BANK1: variants seen among roughly 807,000 people sequenced by gnomAD.
The protein encoded by BANK1 is B-cell scaffold protein with ankyrin repeats.
In BANK1, 95 loss-of-function variants were observed where a neutral mutation model predicts 94.5. That is an observed-to-expected ratio of 1.00 (90% CI 0.85 to 1.19). BANK1 has a LOEUF of 1.19. Ranked by LOEUF, BANK1 falls within the 50% of genes most tolerant of loss-of-function variation. The probability of loss-of-function intolerance (pLI) is 0.00; values close to 1 mark genes in which losing one functional copy is unlikely to be tolerated. For missense variants in BANK1, 987 were observed against 932.2 expected (o/e 1.06, Z -0.77); for synonymous variants, 334 against 308.4 (o/e 1.08, Z -0.87).
At position 101,886,404 on chromosome 4, in the gene BANK1, A is replaced by G. The variant is rs137933209; in HGVS notation, c.904-8901A>G. On this transcript the variant is annotated intron_variant, in intron 5 of 16. Coordinates refer to ENST00000322953, the MANE Select transcript of BANK1 (RefSeq NM_017935.5). ...ATATAAACAAGATGGATTCTGTCAC[A>G]TAACTTGGAACCTGGCTCCCAAAAC... Among the ~76,000 whole-genome samples, 196 of 152,336 alleles carry G rather than the reference A, an allele frequency of 1.3e-3. 1 individual carries two copies. The Middle Eastern group carries it at 0.014, about 11-fold the overall frequency.
chr4:101,935,087 A>G (rs1416752379), intron 7 of BANK1, among the ~76,000 whole-genome samples: 2 of 151,360 alleles, frequency 1.3e-5, no homozygotes, highest in South Asian at 2.1e-4. Context: ...GGTACCCTTT[A>G]TTGTCTGCCT....
intron 11 of BANK1, among the ~76,000 whole-genome samples, chr4:102,044,146 G>C (rs975687515): frequency 6.6e-6 from 1 of 151,980 alleles, no homozygotes; most frequent in African/African-American, 2.4e-5. Flanking sequence ...TTGTCATCTA[G>C]CATTAGGTAT....
Position 102,060,256 on chromosome 4 carries a change from G to C in BANK1, c.2015G>C (p.Cys672Ser). 1 of 1,607,094 alleles carries C rather than the reference G, an allele frequency of 6.2e-7. No homozygotes were observed. The highest frequency in any genetic ancestry group is 8.5e-7 in the Non-Finnish European group (1 of 1,177,892). The change falls in exon 12 of 17, where the codon TGT becomes TCT. Residue 672 changes from cysteine to serine, a missense_variant. Physicochemically the swap from Cys to Ser is moderately radical, Grantham distance 112. Coordinates refer to ENST00000322953, the MANE Select transcript of BANK1 (RefSeq NM_017935.5). ...CCAGCCTTTTCTACTCTCAGGGGCT[G>C]TCTAACTGATGGTCAGGAAGAACTC... ...ESPAFSTLRG[C>S]LTDGQEELIL...
intron 7 of BANK1, among the ~76,000 whole-genome samples, chr4:101,928,093 T>C (rs1723223141): frequency 6.6e-6 from 1 of 151,700 alleles, no homozygotes; most frequent in African/African-American, 2.4e-5. Flanking sequence ...CCTTAAAAAT[T>C]AGTTATCATA....
chr4:101,943,029 A>G (rs1256460677), intron 7 of BANK1, among the ~76,000 whole-genome samples: 1 of 151,928 alleles, frequency 6.6e-6, no homozygotes, highest in African/African-American at 2.4e-5. Context: ...CAATGAGCCA[A>G]TGGTAGTTAG....
At chr4:101,979,174 C>G (rs574090632) in intron 7 of BANK1, among the ~76,000 whole-genome samples, 2 of 151,804 alleles carry the variant, frequency 1.3e-5, no homozygotes, top group Non-Finnish European at 2.9e-5. Context: ...CAAGATAATA[C>G]CTGATGTAAT....
chr4:102,018,149 A>G (rs535484563), intron 7 of BANK1, among the ~76,000 whole-genome samples: 3 of 152,308 alleles, frequency 2.0e-5, no homozygotes, highest in African/African-American at 7.2e-5. Flanking sequence ...TGGTTTTAGT[A>G]TAACATTGAT....
At chr4:102,014,395 C>A (rs1726620638) in intron 7 of BANK1, among the ~76,000 whole-genome samples, 1 of 152,128 alleles carries the variant, frequency 6.6e-6, no homozygotes, top group Non-Finnish European at 1.5e-5. Context: ...CCTCCACCAA[C>A]TCATGTACTG....
chr4:102,055,153 CAATAGTT>C (rs918890940), intron 11 of BANK1, among the ~76,000 whole-genome samples: 3 of 151,930 alleles, frequency 2.0e-5, no homozygotes, highest in Admixed American at 1.3e-4. Flanking sequence ...ATTTTTAACT[CAATAGTT>C]AACCAGGATA....
chr4:101,909,664 G>A (rs1322977230), intron 6 of BANK1, among the ~76,000 whole-genome samples: 1 of 152,162 alleles, frequency 6.6e-6, no homozygotes, highest in Non-Finnish European at 1.5e-5. Context: ...TTATGAACAT[G>A]TTACAATGCT....
intron 7 of BANK1, among the ~76,000 whole-genome samples, chr4:101,966,150 A>G (rs1479477426): frequency 6.6e-6 from 1 of 152,078 alleles, no homozygotes; most frequent in East Asian, 1.9e-4. Context: ...CAAGGAGGCT[A>G]TTCAAACACA....
At chr4:102,030,309 C>T in intron 10 of BANK1, 44 bp downstream of exon 10, 1 of 1,511,378 alleles carries the variant, frequency 6.6e-7, no homozygotes, top group Non-Finnish European at 8.8e-7. Context: ...TTTTTTTGTC[C>T]AAAATTTTGA....
intron 10 of BANK1, among the ~76,000 whole-genome samples, chr4:102,034,041 TTC>T (rs1727415277): frequency 6.6e-6 from 1 of 152,106 alleles, no homozygotes; most frequent in Non-Finnish European, 1.5e-5. Flanking sequence ...CCTTTTTTTT[TTC>T]CCCTAGCTTG....
At chr4:101,829,549 T>C (rs1056327488) in intron 1 of BANK1, among the ~76,000 whole-genome samples, 4 of 152,006 alleles carry the variant, frequency 2.6e-5, no homozygotes, top group African/African-American at 9.7e-5. Context: ...ATTATCTGGG[T>C]AATGGTATTG....
rs145411445 is a variant in BANK1, at chr4:102,043,870, T to G, written c.1932T>G (p.Ser644=). The part of the protein sequence containing the change: ...VFQQKTARRQ[S]DDDKFCGLPK... Reference sequence around the variant, plus strand: ...AACAAAAGACAGCCAGAAGACAATCTGATGATGACAAGTTCTGTGGTCTTC... The same window carrying G: ...AACAAAAGACAGCCAGAAGACAATCGGATGATGACAAGTTCTGTGGTCTTC... The change falls in exon 11 of 17, where the codon TCT becomes TCG. Residue 644 remains serine (S), a synonymous_variant. Coordinates refer to ENST00000322953, the MANE Select transcript of BANK1 (RefSeq NM_017935.5). The G allele has an allele frequency of 2.4e-5, 38 of 1,603,960 alleles. No homozygotes were observed. The highest frequency in any genetic ancestry group is 1.7e-5 in the Non-Finnish European group (20 of 1,172,184).
At chr4:101,895,488 C>A in intron 6 of BANK1, 78 bp downstream of exon 6, 3 of 848,698 alleles carry the variant, frequency 3.5e-6, no homozygotes, top group Non-Finnish European at 5.7e-6. Context: ...ATGTTATAAC[C>A]AAAAATATAG....
intron 7 of BANK1, among the ~76,000 whole-genome samples, chr4:101,987,687 A>T (rs190339548): frequency 3.3e-5 from 5 of 152,242 alleles, no homozygotes; most frequent in African/African-American, 4.8e-5. Flanking sequence ...GACAAATATT[A>T]AAAAAAGAGC....
chr4:101,829,996 A>C lies in BANK1; in HGVS notation c.259A>C (p.Asn87His), dbSNP rs555860024. 6.2e-7 allele frequency: 1 copy of C among 1,613,294 alleles called. No homozygotes were observed. The highest frequency in any genetic ancestry group is 1.3e-5 in the African/African-American group (1 of 75,010). Residue 87 changes from asparagine to histidine, a missense_variant, in exon 2 of 17, where the codon AAT becomes CAT. Physicochemically the swap from Asn to His is moderately conservative, Grantham distance 68 (BLOSUM62 1). Transcript: ENST00000322953. ...CAAATGTAAACTTTTGATATTATCA[A>C]ATAGCCTGCTTAGAGACCTAACTCC... ...SYKCKLLILS[N>H]SLLRDLTPKK...
chr4:101,995,638 TAA>T (rs1460411798), intron 7 of BANK1, among the ~76,000 whole-genome samples: 1 of 152,244 alleles, frequency 6.6e-6, no homozygotes, highest in Non-Finnish European at 1.5e-5. Context: ...ATCTCCATTC[TAA>T]CTAGCATGAG....
Sources: allele counts gnomAD v4.1 joint callset (sites outside exome capture counted in the v4.1 genomes callset), GRCh38; gene constraint gnomAD v4.1.1; transcripts MANE v1.5; gene names NCBI Gene and HGNC (gene_info 2026-07-23, HGNC 2026-07-21).